The following NBAS variants were observed in gnomAD, a reference collection of about 807,000 sequenced individuals.
The protein encoded by NBAS is NAG/BC035112 fusion.
Under a neutral mutation model 302.5 loss-of-function variants are expected in NBAS, and 219 were observed. That is an observed-to-expected ratio of 0.72 (90% CI 0.65 to 0.81). NBAS has a LOEUF of 0.81. Ranked by LOEUF, NBAS falls within the 30% of genes least tolerant of loss-of-function variation. The pLI is 0.00. For synonymous variants in NBAS, 1,118 were observed against 1,021.6 expected, an observed-to-expected ratio of 1.09 and a Z score of -1.80; for missense variants, 2,932 against 2,841.6, an observed-to-expected ratio of 1.03 and a Z score of -0.72.
intron 35 of NBAS, among the ~76,000 whole-genome samples, chr2:15,335,174 TAAAAA>T (rs34790746): frequency 5.9e-4 from 69 of 117,274 alleles, no homozygotes; most frequent in African/African-American, 2.3e-3. Context: ...TCATCTCTCT[TAAAAA>T]AAAAAAAAAA....
At chr2:15,409,258 A>T (rs1408754939) in intron 25 of NBAS, among the ~76,000 whole-genome samples, 1 of 152,172 alleles carries the variant, frequency 6.6e-6, no homozygotes, top group Non-Finnish European at 1.5e-5. Context: ...CCATTAGAGT[A>T]CATCTAAATA....
chr2:15,190,163 T>C, intron 49 of NBAS, 101 bp downstream of exon 49: 1 of 1,356,154 alleles, frequency 7.4e-7, no homozygotes, highest in South Asian at 1.2e-5. Context: ...CGCACACACA[T>C]ATAATTATTC....
At chr2:14,927,744 C>T in the NBAS span, among the ~76,000 whole-genome samples, 1 of 152,178 alleles carries the variant, frequency 6.6e-6, no homozygotes, top group South Asian at 2.1e-4. Flanking sequence ...CGTAGCAAAC[C>T]TAATAGGTGC....
the NBAS span, among the ~76,000 whole-genome samples, chr2:14,800,857 T>C: frequency 6.2e-4 from 94 of 151,914 alleles, no homozygotes; most frequent in African/African-American, 2.0e-3. Context: ...TTCTTTTGTG[T>C]AGATCAAGAT....
At chr2:14,993,098 C>G in the NBAS span, among the ~76,000 whole-genome samples, 1 of 152,268 alleles carries the variant, frequency 6.6e-6, no homozygotes, top group South Asian at 2.1e-4. Context: ...AGGGAGTGAC[C>G]ATTTATTGAG....
At chr2:15,551,616 G>T in intron 5 of NBAS, 80 bp from the exon 6 acceptor site, 2 of 1,049,590 alleles carry the variant, frequency 1.9e-6, no homozygotes, top group Non-Finnish European at 2.9e-6. Flanking sequence ...CTGTGGACTA[G>T]ACAGCCTCTA....
In NBAS at chr2:15,383,252, T is replaced by C; in HGVS notation, c.3323A>G (p.Asn1108Ser). ...ATCAGAATCTAGACATGTGTATACA[T>C]TCTGCTGCATAGTTAACATGTCTTG... ...LLQDMLTMQQNVYTCLDSDAC... is the reference protein window; with the variant it reads ...LLQDMLTMQQSVYTCLDSDAC... The change falls in exon 29 of 52, where the codon AAT becomes AGT. Residue 1108 changes from asparagine (N) to serine (S), a missense_variant. Physicochemically the swap from Asn to Ser is conservative, Grantham distance 46 (BLOSUM62 1). Transcript: ENST00000281513. 6.2e-7 allele frequency: 1 copy of C among 1,614,080 alleles called. No individual in the cohort carries two copies. The highest frequency in any genetic ancestry group is 1.3e-5 in the African/African-American group (1 of 75,034).
At chr2:14,814,396 A>G in the NBAS span, among the ~76,000 whole-genome samples, 1 of 152,170 alleles carries the variant, frequency 6.6e-6, no homozygotes, top group Non-Finnish European at 1.5e-5. Context: ...GGGCAAAGCT[A>G]CCCAAGGCCT....
Position 15,328,249 on chromosome 2 carries a change from C to G in NBAS, c.4411G>C (p.Gly1471Arg). The change falls in exon 37 of 52, where the codon GGG (glycine) becomes CGG (arginine). Residue 1471 changes from glycine (G) to arginine (R), a missense_variant. Gly to Arg is a moderately radical substitution (Grantham distance 125). Transcript: ENST00000281513. Reference sequence around the variant, plus strand: ...ACAGATTCATAAAAAGGATGACACCCTTGTTTCTCTAGATCTTCATTGGCT... The same window carrying G: ...ACAGATTCATAAAAAGGATGACACCGTTGTTTCTCTAGATCTTCATTGGCT... ...TTANEDLEKQ[G>R]CHPFYESVIS... 6.2e-7 allele frequency: 1 copy of G among 1,613,894 alleles called. No individual in the cohort carries two copies. Among genetic ancestry groups the G allele is most frequent in the Non-Finnish European group, 8.5e-7 (1 of 1,179,894 alleles).
the NBAS span, among the ~76,000 whole-genome samples, chr2:14,801,114 C>G: frequency 0.4 from 60,386 of 151,820 alleles, 12,512 homozygotes; most frequent in African/African-American, 0.51. Context: ...TAACCAATGC[C>G]CCCTGCCATC....
intron 9 of NBAS, 79 bp from the exon 10 acceptor site, chr2:15,511,429 C>T: frequency 1.5e-6 from 2 of 1,347,174 alleles, no homozygotes; most frequent in South Asian, 1.2e-5. Context: ...GAAACAGTCA[C>T]CTTGAGAAAG....
chr2:14,804,105 GA>G, the NBAS span, among the ~76,000 whole-genome samples: 3 of 152,146 alleles, frequency 2.0e-5, no homozygotes, highest in Non-Finnish European at 4.4e-5. Flanking sequence ...TTGTAACCCT[GA>G]AATCAATACT....
chr2:15,380,231 T>A (rs1674965947), intron 29 of NBAS, among the ~76,000 whole-genome samples: 1 of 152,194 alleles, frequency 6.6e-6, no homozygotes, highest in Non-Finnish European at 1.5e-5. Context: ...TTTCTGTTTT[T>A]TTCTTTTTCC....
At chr2:14,855,689 G>A in the NBAS span, among the ~76,000 whole-genome samples, 2 of 152,158 alleles carry the variant, frequency 1.3e-5, no homozygotes, top group Non-Finnish European at 2.9e-5. Context: ...TGTCCCTTTG[G>A]AAATGGGAGG....
the NBAS span, among the ~76,000 whole-genome samples, chr2:14,969,584 C>T: frequency 6.6e-6 from 1 of 152,050 alleles, no homozygotes; most frequent in South Asian, 2.1e-4. Context: ...ACCATGTTGG[C>T]CAGGCTGGTC....
chr2:15,087,789 C>G, the NBAS span, among the ~76,000 whole-genome samples: 1,430 of 152,300 alleles, frequency 9.4e-3, 25 homozygotes, highest in African/African-American at 0.033. Flanking sequence ...AACATTTGTT[C>G]CTTTTAGCTT....
At chr2:15,235,162 A>T (rs1048709223) in intron 45 of NBAS, among the ~76,000 whole-genome samples, 8 of 152,240 alleles carry the variant, frequency 5.3e-5, no homozygotes, top group African/African-American at 1.4e-4. Context: ...CTATTGAGCT[A>T]TAACTATGTA....
At chr2:15,173,749 A>G (rs1257178396) in intron 51 of NBAS, among the ~76,000 whole-genome samples, 1 of 152,066 alleles carries the variant, frequency 6.6e-6, no homozygotes, top group Non-Finnish European at 1.5e-5. Flanking sequence ...TCCAAGCTTG[A>G]TCACCTCTGC....
chr2:14,947,411 T>A, the NBAS span, among the ~76,000 whole-genome samples: 144 of 152,034 alleles, frequency 9.5e-4, no homozygotes, highest in Middle Eastern at 6.8e-3. Flanking sequence ...AAATGGAAAA[T>A]CTAAAAGAAA....
Sources: allele counts gnomAD v4.1 joint callset (sites outside exome capture counted in the v4.1 genomes callset), GRCh38; gene constraint gnomAD v4.1.1; transcripts MANE v1.5; gene names NCBI Gene and HGNC (gene_info 2026-07-23, HGNC 2026-07-21).